The following RUNX1 variants were observed in gnomAD, a reference collection of about 807,000 sequenced individuals.
The protein encoded by RUNX1 is runt-related transcription factor 1.
A neutral mutation model predicts 42.8 loss-of-function variants in RUNX1; 19 were observed. The observed-to-expected ratio is 0.44, with a 90% confidence interval of 0.31 to 0.65. The LOEUF (loss-of-function observed/expected upper bound fraction) is 0.65, where lower values mean the gene tolerates loss of function less well. RUNX1 is among the 30% of genes least tolerant of loss of function. The probability of loss-of-function intolerance (pLI) is 0.07; values close to 1 mark genes in which losing one functional copy is unlikely to be tolerated. For missense variants in RUNX1, 528 were observed against 672.0 expected (o/e 0.79, Z 2.37); for synonymous variants, 271 against 289.4 (o/e 0.94, Z 0.64).
intron 4 of RUNX1, among the ~76,000 whole-genome samples, chr21:34,886,349 A>G (rs932944840): frequency 5.3e-5 from 8 of 152,056 alleles, no homozygotes; most frequent in Admixed American, 2.0e-4. Context: ...AGAGAAGGGG[A>G]AAAAAAATCC....
intron 2 of RUNX1, among the ~76,000 whole-genome samples, chr21:34,984,736 T>G (rs868305201): frequency 6.6e-6 from 1 of 152,158 alleles, no homozygotes; most frequent in Admixed American, 6.5e-5. Flanking sequence ...CTGGAGGGCT[T>G]GAGTGCAGAA....
intron 2 of RUNX1, among the ~76,000 whole-genome samples, chr21:34,957,612 G>A (rs1228610582): frequency 6.6e-6 from 1 of 152,118 alleles, no homozygotes; most frequent in Admixed American, 6.5e-5. Flanking sequence ...AGGATAACAG[G>A]GTGATAGACT....
At chr21:34,845,317 CCAGGGATGGAGA>C (rs1233967704) in intron 6 of RUNX1, among the ~76,000 whole-genome samples, 1 of 152,186 alleles carries the variant, frequency 6.6e-6, no homozygotes, top group East Asian at 1.9e-4. Context: ...TCCATCCTTG[CCAGGGATGGAGA>C]CAGGGATGGA....
At chr21:34,817,291 T>C (rs543369092) in intron 7 of RUNX1, among the ~76,000 whole-genome samples, 1 of 152,296 alleles carries the variant, frequency 6.6e-6, no homozygotes, top group East Asian at 1.9e-4. Context: ...TTCTCTGGGA[T>C]TGTCAACTGA....
At chr21:34,961,235 G>A (rs975014047) in intron 2 of RUNX1, among the ~76,000 whole-genome samples, 4 of 152,058 alleles carry the variant, frequency 2.6e-5, no homozygotes, top group African/African-American at 9.7e-5. Flanking sequence ...TTAGCCGGAC[G>A]TGGTGGCATA....
In RUNX1 at chr21:34,914,257, AG is replaced by A. The variant is rs34360353; in HGVS notation, c.59-21295del. On this transcript the variant is annotated intron_variant, in intron 2 of 8. Transcript: ENST00000675419. ...ATTCCATGATAGAAGAATTATACACAGGGAGGATTCCCATCAACAATGCAGA... is the reference window on the plus strand; with the variant it reads ...ATTCCATGATAGAAGAATTATACACAGGAGGATTCCCATCAACAATGCAGA... Among the ~76,000 whole-genome samples the A allele has an allele frequency of 5.6e-3, 848 of 152,336 alleles. 5 individuals are homozygous for A. Among genetic ancestry groups the A allele is most frequent in the South Asian group, 0.01 (50 of 4,832 alleles).
intron 3 of RUNX1, chr21:34,888,311 G>C: frequency 9.4e-7 from 1 of 1,067,570 alleles, no homozygotes; most frequent in Non-Finnish European, 1.1e-6. Flanking sequence ...CGGGCGGCTC[G>C]GGTTACACAC....
At position 34,790,816 on chromosome 21, in the gene RUNX1, A is replaced by G. The variant is rs1047829316; in HGVS notation, c.*1319T>C. 8.6e-6 allele frequency: 2 copies of G among 232,974 alleles called. No individual in the cohort carries two copies. The highest frequency in any genetic ancestry group is 4.4e-5 in the African/African-American group (2 of 45,260). The allele number at this position is 232,974 out of a possible 1,614,324, so 14.4% of individuals were successfully genotyped here. A position where few individuals can be genotyped will look rare whatever the true frequency, so the allele number is the denominator to read the frequency against. Reference sequence around the variant, plus strand: ...GGGCCCTTAAATTGCTATAATCGTAACCCCTAAATTCATTGATTTGGTTCC... The same window carrying G: ...GGGCCCTTAAATTGCTATAATCGTAGCCCCTAAATTCATTGATTTGGTTCC... On this transcript the variant is annotated 3_prime_UTR_variant, in exon 9 of 9. Transcript: ENST00000675419.
intron 6 of RUNX1, among the ~76,000 whole-genome samples, chr21:34,851,413 C>T (rs1230600478): frequency 6.6e-6 from 1 of 152,204 alleles, no homozygotes; most frequent in Non-Finnish European, 1.5e-5. Context: ...TATCTCGTCC[C>T]ATTGCCTGGT....
chr21:34,915,025 G>A (rs1308005728), intron 2 of RUNX1, among the ~76,000 whole-genome samples: 1 of 152,126 alleles, frequency 6.6e-6, no homozygotes, highest in East Asian at 1.9e-4. Flanking sequence ...TCAGTTTCCT[G>A]AATTATAGAA....
intron 2 of RUNX1, among the ~76,000 whole-genome samples, chr21:34,938,036 C>T (rs1319309866): frequency 6.6e-6 from 1 of 152,130 alleles, no homozygotes; most frequent in African/African-American, 2.4e-5. Context: ...ATGCATAGTG[C>T]CGTGCCATTT....
chr21:34,796,877 T>TAG (rs906044810), intron 8 of RUNX1, among the ~76,000 whole-genome samples: 4 of 150,778 alleles, frequency 2.7e-5, no homozygotes, highest in East Asian at 1.9e-4. Flanking sequence ...CTGCAAAGGA[T>TAG]AGAGAGAGAG....
chr21:34,991,211 T>G (rs1207595352), intron 2 of RUNX1, among the ~76,000 whole-genome samples: 3 of 152,206 alleles, frequency 2.0e-5, no homozygotes, highest in Non-Finnish European at 4.4e-5. Flanking sequence ...TTTCTGAACA[T>G]GCCAGGCCCC....
chr21:35,000,327 G>A (rs756169375), intron 2 of RUNX1, among the ~76,000 whole-genome samples: 17 of 139,082 alleles, frequency 1.2e-4, no homozygotes, highest in Non-Finnish European at 2.0e-4. Flanking sequence ...TGCAAACTCC[G>A]CCTCCCGGGT....
intron 2 of RUNX1, among the ~76,000 whole-genome samples, chr21:34,933,858 C>G (rs893597830): frequency 2.0e-5 from 3 of 152,192 alleles, no homozygotes; most frequent in African/African-American, 7.2e-5. Context: ...CCATCACAGA[C>G]CAAAGAATTC....
intron 6 of RUNX1, among the ~76,000 whole-genome samples, chr21:34,847,340 A>ATTTAAATGTTTAAATG (rs1285111278): frequency 1.1e-4 from 17 of 152,190 alleles, no homozygotes; most frequent in Admixed American, 2.6e-4. Context: ...GTGGGGTCTG[A>ATTTAAATGTTTAAATG]TTTAAATGTT....
Position 34,886,935 on chromosome 21 carries a change from C to A in RUNX1, c.259G>T (p.Gly87Cys), listed in dbSNP as rs561166961. The A allele has an allele frequency of 6.2e-6, 10 of 1,613,142 alleles. No individual in the cohort carries two copies. The Admixed American group carries it at 8.3e-5, about 13-fold the overall frequency. ...GGGCTGTCGGTGCGCACCAGCTCGC[C>A]CGGGTGGTCGGCCAGCACCTCCACC... The part of the protein sequence containing the change: ...SMVEVLADHP[G>C]ELVRTDSPNF... Residue 87 changes from glycine (G) to cysteine (C), a missense_variant, in exon 4 of 9, where the codon GGC becomes TGC. By Grantham distance (159) the Gly-to-Cys change is radical. Coordinates refer to ENST00000675419, the MANE Select transcript of RUNX1 (RefSeq NM_001754.5).
intron 2 of RUNX1, among the ~76,000 whole-genome samples, chr21:34,988,372 G>C (rs2058908181): frequency 6.6e-6 from 1 of 152,088 alleles, no homozygotes; most frequent in African/African-American, 2.4e-5. Flanking sequence ...CATTCCTGGG[G>C]CTGCTCCTTT....
intron 2 of RUNX1, among the ~76,000 whole-genome samples, chr21:34,943,870 CAG>C (rs1401607780): frequency 6.6e-6 from 1 of 152,156 alleles, no homozygotes; most frequent in Non-Finnish European, 1.5e-5. Flanking sequence ...GTGAAAGTTA[CAG>C]AGAGATTTGC....
Sources: gnomAD v4.1 joint callset for allele counts (sites outside exome capture counted in the v4.1 genomes callset) on GRCh38, gnomAD v4.1.1 for gene constraint, MANE v1.5 for transcripts, NCBI Gene and HGNC (gene_info 2026-07-23, HGNC 2026-07-21) for gene names.